Variants in IL1RAPL1 observed in about 807,000 individuals in gnomAD.
IL1RAPL1 encodes the protein interleukin 1 receptor accessory protein like 1, also known as interleukin-1 receptor accessory protein-like 1.
IL1RAPL1 carries 3 observed loss-of-function variants against 48.4 expected under a neutral mutation model. That is an observed-to-expected ratio of 0.06 (90% confidence interval 0.03 to 0.16). IL1RAPL1 has a LOEUF of 0.16. IL1RAPL1 is among the 10% of genes least tolerant of loss of function. The probability of loss-of-function intolerance (pLI) is 1.00; values close to 1 mark genes in which losing one functional copy is unlikely to be tolerated. For synonymous variants in IL1RAPL1, 185 were observed against 187.7 expected (o/e 0.99, Z 0.12); for missense variants, 349 against 530.6 (o/e 0.66, Z 3.36).
At chrX:29,203,100 A>G (rs1930589059) in intron 2 of IL1RAPL1, among the ~76,000 whole-genome samples, 1 of 111,661 alleles carries the variant, frequency 9.0e-6, no homozygotes, top group Admixed American at 9.5e-5. Context: ...AGGTGAGAGG[A>G]TTTTTAAATG....
In IL1RAPL1 at chrX:29,720,030, G is replaced by T. The variant is rs780869422; in HGVS notation, c.778+51526G>T. ...AACCGCTTCATCACTGGTCATTAGA[G>T]AAATGCAAATCAAAACCATGAGATA... On this transcript the variant is annotated intron_variant, in intron 6 of 10. Coordinates refer to ENST00000378993, the MANE Select transcript of IL1RAPL1 (RefSeq NM_014271.4). Among the ~76,000 whole-genome samples, 4 of 112,051 alleles carry T rather than the reference G, an allele frequency of 3.6e-5. No homozygotes were observed. In the South Asian group the frequency reaches 1.5e-3, roughly 41 times the overall value.
chrX:28,854,071 G>A (rs1921741385), intron 2 of IL1RAPL1, among the ~76,000 whole-genome samples: 1 of 111,944 alleles, frequency 8.9e-6, no homozygotes, highest in Non-Finnish European at 1.9e-5. Flanking sequence ...GGTATCACAA[G>A]AGATATGGTC....
chrX:28,985,004 ATAAT>A (rs1925432958), intron 2 of IL1RAPL1, among the ~76,000 whole-genome samples: 1 of 111,860 alleles, frequency 8.9e-6, no homozygotes, highest in Non-Finnish European at 1.9e-5. Flanking sequence ...GAAAAATTGA[ATAAT>A]AAATATAAAC....
Position 28,877,778 on chromosome X carries a change from A to G in IL1RAPL1, c.82+88353A>G, listed in dbSNP as rs186456117. ...AATAAACTTATTGTTTCTGTCTTCA[A>G]AGTACCTTTACTTCATCCTGTTTAA... On this transcript the variant is annotated intron_variant, in intron 2 of 10. Transcript: ENST00000378993. Among the ~76,000 whole-genome samples, 21 of 111,802 alleles carry G rather than the reference A, an allele frequency of 1.9e-4. No individual in the cohort carries two copies. In the Admixed American group the frequency reaches 2.0e-3, roughly 11 times the overall value.
At chrX:28,623,841 A>G (rs1051066973) in intron 1 of IL1RAPL1, among the ~76,000 whole-genome samples, 1 of 110,671 alleles carries the variant, frequency 9.0e-6, no homozygotes, top group Non-Finnish European at 1.9e-5. Flanking sequence ...TTTAACAAGC[A>G]GTACCAAAAG....
At chrX:29,367,552 TTTTATTTATTTATTTATTTATTTA>T (rs35288881) in intron 3 of IL1RAPL1, among the ~76,000 whole-genome samples, 2 of 98,515 alleles carry the variant, frequency 2.0e-5, no homozygotes, top group Non-Finnish European at 4.0e-5. Context: ...TTCTATTTAT[TTTTATTTATTTATTTATTTATTTA>T]TTTATTTATT....
intron 6 of IL1RAPL1, among the ~76,000 whole-genome samples, chrX:29,873,113 A>G (rs1173977267): frequency 9.0e-6 from 1 of 111,598 alleles, no homozygotes; most frequent in Non-Finnish European, 1.9e-5. Flanking sequence ...GAGCTCAACC[A>G]TTTGAATAAA....
At chrX:29,896,198 A>ATGAT (rs929432258) in intron 6 of IL1RAPL1, among the ~76,000 whole-genome samples, 1 of 112,395 alleles carries the variant, frequency 8.9e-6, no homozygotes, top group Non-Finnish European at 1.9e-5. Flanking sequence ...GTTTAAGGAA[A>ATGAT]TGATTGATTG....
chrX:29,391,058 C>T (rs994286255), intron 3 of IL1RAPL1, among the ~76,000 whole-genome samples: 5 of 110,262 alleles, frequency 4.5e-5, no homozygotes, highest in Non-Finnish European at 7.6e-5. Flanking sequence ...CCTGTAATCT[C>T]AGCTATTCCG....
At chrX:29,342,142 G>T (rs866950021) in intron 3 of IL1RAPL1, among the ~76,000 whole-genome samples, 1,900 of 101,460 alleles carry the variant, frequency 0.019, 46 homozygotes, top group African/African-American at 0.071. Context: ...GTGTGTGTGT[G>T]TGTGTGTGTG....
At chrX:28,938,535 T>C (rs777268753) in intron 2 of IL1RAPL1, among the ~76,000 whole-genome samples, 1 of 111,415 alleles carries the variant, frequency 9.0e-6, no homozygotes, top group Non-Finnish European at 1.9e-5. Context: ...GATGCATTAA[T>C]GACTTAAATG....
At chrX:28,620,663 G>A (rs1351883794) in intron 1 of IL1RAPL1, among the ~76,000 whole-genome samples, 1 of 111,684 alleles carries the variant, frequency 9.0e-6, no homozygotes, top group Admixed American at 9.5e-5. Context: ...CTTTTGGTTT[G>A]TATTCATAGA....
At chrX:29,289,917 A>AT (rs1932345058) in intron 3 of IL1RAPL1, among the ~76,000 whole-genome samples, 2 of 111,846 alleles carry the variant, frequency 1.8e-5, no homozygotes, top group Non-Finnish European at 3.8e-5. Flanking sequence ...TTAAAAACAT[A>AT]TTTTTTTCAA....
chrX:29,135,612 A>G (rs1031993510), intron 2 of IL1RAPL1, among the ~76,000 whole-genome samples: 6 of 112,419 alleles, frequency 5.3e-5, no homozygotes, highest in Non-Finnish European at 9.4e-5. Context: ...TGTAAGCACT[A>G]TGTTAGCCTC....
At chrX:29,044,968 T>G (rs1926923425) in intron 2 of IL1RAPL1, among the ~76,000 whole-genome samples, 1 of 112,041 alleles carries the variant, frequency 8.9e-6, no homozygotes, top group South Asian at 3.7e-4. Context: ...TGCATGGGTG[T>G]GTGTGTATGT....
At chrX:29,060,057 A>G (rs1927307865) in intron 2 of IL1RAPL1, among the ~76,000 whole-genome samples, 1 of 112,091 alleles carries the variant, frequency 8.9e-6, no homozygotes, top group Admixed American at 9.5e-5. Context: ...AGAATTACAC[A>G]TTCAAACTAA....
At chrX:28,963,438 TTAC>T (rs1240515917) in intron 2 of IL1RAPL1, among the ~76,000 whole-genome samples, 2 of 111,338 alleles carry the variant, frequency 1.8e-5, no homozygotes, top group Non-Finnish European at 1.9e-5. Context: ...TGTTTTACTC[TTAC>T]AATATATCTG....
intron 2 of IL1RAPL1, among the ~76,000 whole-genome samples, chrX:29,081,441 G>A (rs1405494012): frequency 1.8e-5 from 2 of 110,737 alleles, no homozygotes; most frequent in African/African-American, 3.3e-5. Context: ...GGGCTCAAGC[G>A]ATCTGCCCAC....
chrX:29,033,058 A>G (rs1451018124), intron 2 of IL1RAPL1, among the ~76,000 whole-genome samples: 1 of 112,080 alleles, frequency 8.9e-6, no homozygotes, highest in Non-Finnish European at 1.9e-5. Flanking sequence ...TATGTTAGCT[A>G]TAATTAAATG....
Sources: allele counts gnomAD v4.1 joint callset (sites outside exome capture counted in the v4.1 genomes callset), GRCh38; gene constraint gnomAD v4.1.1; transcripts MANE v1.5; gene names NCBI Gene and HGNC (gene_info 2026-07-23, HGNC 2026-07-21).